PDE4B: variants seen among roughly 807,000 people sequenced by gnomAD.
The protein encoded by PDE4B is 3',5'-cyclic-AMP phosphodiesterase 4B.
A neutral mutation model predicts 82.2 loss-of-function variants in PDE4B; 20 were observed. The observed-to-expected ratio is 0.24, with a 90% confidence interval of 0.17 to 0.35. PDE4B has a LOEUF of 0.35. Ranked by LOEUF, PDE4B falls within the 10% of genes least tolerant of loss-of-function variation. The pLI, the probability that PDE4B is intolerant of heterozygous loss-of-function variation, is 1.00. For missense variants in PDE4B, 655 were observed against 907.2 expected (o/e 0.72, Z 3.57); for synonymous variants, 320 against 318.9 (o/e 1.00, Z -0.04).
intron 3 of PDE4B, among the ~76,000 whole-genome samples, chr1:66,128,995 C>T (rs532829857): frequency 2.6e-5 from 4 of 152,128 alleles, no homozygotes; most frequent in Admixed American, 1.3e-4. Context: ...GGGACACAGC[C>T]GAACCATATC....
intron 3 of PDE4B, among the ~76,000 whole-genome samples, chr1:66,043,093 C>G (rs1654477101): frequency 6.6e-6 from 1 of 151,644 alleles, no homozygotes; most frequent in African/African-American, 2.4e-5. Context: ...AAAAAGGGGA[C>G]AGATGGATCC....
intron 8 of PDE4B, among the ~76,000 whole-genome samples, chr1:66,353,364 G>A (rs867297309): frequency 6.6e-6 from 1 of 152,210 alleles, no homozygotes; most frequent in African/African-American, 2.4e-5. Flanking sequence ...ATACTGGCTT[G>A]CATTGGCTTC....
intron 3 of PDE4B, among the ~76,000 whole-genome samples, chr1:65,952,091 GA>G (rs1052739723): frequency 7.2e-5 from 11 of 152,000 alleles, no homozygotes; most frequent in African/African-American, 2.7e-4. Context: ...AAATGAAAAT[GA>G]TTAGCTCTAC....
At chr1:66,354,934 G>A (rs975704210) in intron 8 of PDE4B, 2 of 1,514,630 alleles carry the variant, frequency 1.3e-6, no homozygotes, top group South Asian at 1.2e-5. Context: ...TTGATAAAAT[G>A]TGAAACGTAC....
At chr1:66,154,144 G>A (rs1328612009) in intron 3 of PDE4B, among the ~76,000 whole-genome samples, 1 of 151,962 alleles carries the variant, frequency 6.6e-6, no homozygotes, top group African/African-American at 2.4e-5. Flanking sequence ...CCTCCCCTTG[G>A]TCCCAATAGC....
At chr1:65,876,416 A>AAT (rs1200817238) in intron 1 of PDE4B, among the ~76,000 whole-genome samples, 7 of 152,144 alleles carry the variant, frequency 4.6e-5, no homozygotes, top group Non-Finnish European at 7.4e-5. Context: ...AGTTAAAACA[A>AAT]ATATATATAT....
At chr1:66,044,030 TAAATGTATTATAC>T (rs1654545105) in intron 3 of PDE4B, among the ~76,000 whole-genome samples, 3 of 4,358 alleles carry the variant, frequency 6.9e-4, no homozygotes, top group African/African-American at 2.0e-3. Context: ...AGTATTATAC[TAAATGTATTATAC>T]TAAATGTATT....
At position 66,035,506 on chromosome 1, in the gene PDE4B, G is replaced by A. The variant is rs563036847; in HGVS notation, c.281+116671G>A. ...TTCACTTCCCAACTCCCAGCCTCTGGTAACCACCATTCTCCTCTCTACTTC... is the reference window on the plus strand; with the variant it reads ...TTCACTTCCCAACTCCCAGCCTCTGATAACCACCATTCTCCTCTCTACTTC... On this transcript the variant is annotated intron_variant, in intron 3 of 16. Transcript: ENST00000341517. 3.3e-5 allele frequency among the ~76,000 whole-genome samples: 5 copies of A among 152,078 alleles called. No homozygotes were observed. In the South Asian group the frequency reaches 8.3e-4, roughly 25 times the overall value.
At chr1:66,082,929 C>T (rs1306603181) in intron 3 of PDE4B, among the ~76,000 whole-genome samples, 2 of 151,970 alleles carry the variant, frequency 1.3e-5, no homozygotes, top group Non-Finnish European at 2.9e-5. Flanking sequence ...ATGGGTAGGA[C>T]AATTACTATG....
intron 8 of PDE4B, among the ~76,000 whole-genome samples, chr1:66,346,139 G>C (rs1433322143): frequency 2.0e-5 from 3 of 152,166 alleles, no homozygotes; most frequent in Admixed American, 6.5e-5. Flanking sequence ...ATCTGTTGGA[G>C]AATAGCAGCC....
intron 1 of PDE4B, among the ~76,000 whole-genome samples, chr1:65,818,685 C>CATACATATATATAT (rs1553187332): frequency 7.0e-6 from 1 of 143,764 alleles, no homozygotes; most frequent in East Asian, 2.1e-4. Flanking sequence ...CACACACACA[C>CATACATATATATAT]ATATATATAT....
intron 1 of PDE4B, among the ~76,000 whole-genome samples, chr1:65,821,272 A>G (rs1447143720): frequency 6.6e-6 from 1 of 152,254 alleles, no homozygotes; most frequent in Non-Finnish European, 1.5e-5. Flanking sequence ...CAGGAGAGTA[A>G]TTGCCATAGC....
chr1:66,200,828 A>G lies in PDE4B; in HGVS notation c.282-46632A>G, dbSNP rs148385014. ...TTACTTCCTCTTTTCCTAACTAAAT[A>G]CCCTTTATTTCCTTCTCCTACCTAA... On this transcript the variant is annotated intron_variant, in intron 3 of 16. Transcript: ENST00000341517. 6.2e-3 allele frequency among the ~76,000 whole-genome samples: 943 copies of G among 152,204 alleles called. 13 individuals are homozygous for G. Among genetic ancestry groups the G allele is most frequent in the African/African-American group, 0.022 (899 of 41,512 alleles).
intron 7 of PDE4B, among the ~76,000 whole-genome samples, chr1:66,268,622 C>T (rs752329116): frequency 3.1e-5 from 4 of 129,586 alleles, no homozygotes; most frequent in Admixed American, 2.7e-4. Context: ...GAGCCGAGAT[C>T]GCACCACTGA....
chr1:66,350,895 C>T (rs1661770490), intron 8 of PDE4B, among the ~76,000 whole-genome samples: 2 of 152,172 alleles, frequency 1.3e-5, no homozygotes, highest in South Asian at 2.1e-4. Context: ...CAAAATGTTC[C>T]TATCAAGTGT....
intron 3 of PDE4B, among the ~76,000 whole-genome samples, chr1:66,242,326 C>A (rs1412716011): frequency 6.6e-6 from 1 of 152,170 alleles, no homozygotes; most frequent in African/African-American, 2.4e-5. Flanking sequence ...AAAAGAGACT[C>A]AGTGAGTAAT....
intron 1 of PDE4B, among the ~76,000 whole-genome samples, chr1:65,819,509 T>G (rs571827920): frequency 0.013 from 1,955 of 151,252 alleles, 40 homozygotes; most frequent in South Asian, 0.045. Context: ...GTTTTGTTTT[T>G]TTTTTTTTTT....
chr1:66,247,467 G>A lies in PDE4B; in HGVS notation c.289G>A (p.Val97Met), dbSNP rs374255487. 2 of 1,569,882 alleles carry A rather than the reference G, an allele frequency of 1.3e-6. No individual in the cohort carries two copies. The highest frequency in any genetic ancestry group is 1.9e-5 in the Admixed American group (1 of 51,454). ...ITTVSQECFD[V>M]ENGPSPGRSP... ...TCCCACTTTCTCTTTAAGCTTTGAT[G>A]TGGAAAATGGCCCTTCCCCAGGTCG... is the stretch of plus-strand genomic sequence containing the variant. Residue 97 changes from valine to methionine, a missense_variant, in exon 4 of 17, where the codon GTG becomes ATG. Physicochemically the swap from Val to Met is conservative, Grantham distance 21 (BLOSUM62 1). Transcript: ENST00000341517.
At chr1:65,866,551 T>A (rs1334180229) in intron 1 of PDE4B, among the ~76,000 whole-genome samples, 1 of 152,228 alleles carries the variant, frequency 6.6e-6, no homozygotes, top group African/African-American at 2.4e-5. Flanking sequence ...TTTTTTGCTT[T>A]TAGACAATAT....
Sources: allele counts gnomAD v4.1 joint callset (sites outside exome capture counted in the v4.1 genomes callset), GRCh38; gene constraint gnomAD v4.1.1; transcripts MANE v1.5; gene names NCBI Gene and HGNC (gene_info 2026-07-23, HGNC 2026-07-21).